Variants in HSP90B1 observed in about 807,000 individuals in gnomAD.
The protein encoded by HSP90B1 is endoplasmin.
A neutral mutation model predicts 100.4 loss-of-function variants in HSP90B1; 27 were observed. The observed-to-expected ratio is 0.27, with a 90% confidence interval of 0.20 to 0.37. The LOEUF is 0.37. HSP90B1 is among the 10% of genes least tolerant of loss of function. The pLI, the probability that HSP90B1 is intolerant of heterozygous loss-of-function variation, is 1.00. For synonymous variants in HSP90B1, 304 were observed against 330.8 expected (o/e 0.92, Z 0.88); for missense variants, 678 against 960.5 (o/e 0.71, Z 3.89).
In HSP90B1 at chr12:103,943,424, A is replaced by G. The variant is rs114618953; in HGVS notation, c.1890+105A>G. Reference sequence around the variant, plus strand: ...AGCTGGTTACTTTGTAACCATTAGAATGGTAAAAATTTAATTAATGTAATT... The same window carrying G: ...AGCTGGTTACTTTGTAACCATTAGAGTGGTAAAAATTTAATTAATGTAATT... On this transcript the variant is annotated intron_variant, in intron 13 of 17. Transcript: ENST00000299767. The surrounding 1 kb of genome is among the most constrained non-coding windows in gnomAD (Gnocchi z 5.3). 6.8e-5 allele frequency: 73 copies of G among 1,065,752 alleles called. No homozygotes were observed. In the African/African-American group the frequency reaches 1.0e-3, roughly 15 times the overall value. 66.0% of individuals were successfully genotyped at this position (1,065,752 alleles called of 1,614,324 possible). A position where few individuals can be genotyped will look rare whatever the true frequency, so the allele number is the denominator to read the frequency against.
At chr12:103,938,079 G>GAGAAT (rs1869967001) in intron 6 of HSP90B1, among the ~76,000 whole-genome samples, 1 of 151,524 alleles carries the variant, frequency 6.6e-6, no homozygotes, top group Non-Finnish European at 1.5e-5. Flanking sequence ...GCTGAAGCAG[G>GAGAAT]AGAATTGCTT....
chr12:103,944,749 T>C (rs1181816033), intron 14 of HSP90B1, among the ~76,000 whole-genome samples: 11 of 152,170 alleles, frequency 7.2e-5, no homozygotes. Flanking sequence ...AGAGACGGTG[T>C]TTCACCATGT....
chr12:103,938,212 G>T, intron 6 of HSP90B1, 128 bp from the exon 7 acceptor site: 1 of 717,010 alleles, frequency 1.4e-6, no homozygotes, highest in Non-Finnish European at 2.2e-6. Flanking sequence ...TGGTCTATTA[G>T]TTAAGGATAC....
rs1182025242 is a variant in HSP90B1, at chr12:103,930,633, C to T, written c.49+69C>T. On this transcript the variant is annotated intron_variant, in intron 1 of 17. Transcript: ENST00000299767. The surrounding 1 kb of genome is among the most constrained non-coding windows in gnomAD (Gnocchi z 4.4). ...GGCCGCTTCTCGAAGGTCCTGGGGG[C>T]GTTGAACGTGGGAGGGGGGATCCCG... 57 of 1,490,370 alleles carry T rather than the reference C, an allele frequency of 3.8e-5. No individual in the cohort carries two copies. The Admixed American group carries it at 4.1e-4, about 11-fold the overall frequency. The allele number at this position is 1,490,370 out of a possible 1,614,324, so 92.3% of individuals were successfully genotyped here. A position where few individuals can be genotyped will look rare whatever the true frequency, so the allele number is the denominator to read the frequency against.
chr12:103,947,523 C>T (rs1178332823), intron 17 of HSP90B1, 93 bp downstream of exon 17: 2 of 1,601,600 alleles, frequency 1.2e-6, no homozygotes, highest in Non-Finnish European at 1.7e-6. Flanking sequence ...GTGTAACTTA[C>T]AGAAGTCAGA....
At position 103,937,769 on chromosome 12, in the gene HSP90B1, A is replaced by T. The variant is rs1311612957; in HGVS notation, c.818A>T (p.Gln273Leu). The T allele has an allele frequency of 4.4e-6, 7 of 1,580,132 alleles. 1 individual carries two copies. The South Asian group carries it at 7.8e-5, about 18-fold the overall frequency. The change falls in exon 6 of 18, where the codon CAG becomes CTG. Residue 273 changes from glutamine (Q) to leucine (L), a missense_variant. Coordinates refer to ENST00000299767, the MANE Select transcript of HSP90B1 (RefSeq NM_003299.3). ...TIKNLVKKYS[Q>L]FINFPIYVWS... Reference sequence around the variant, plus strand: ...AAAAATCTCGTCAAAAAATATTCACAGTTCATAAACTTTCCTATTTATGTA... The same window carrying T: ...AAAAATCTCGTCAAAAAATATTCACTGTTCATAAACTTTCCTATTTATGTA...
chr12:103,947,356 A>G lies in HSP90B1; in HGVS notation c.2308A>G (p.Thr770Ala). Reference protein sequence around the residue: ...EEEPEETAEDTTEDTEQDEDE... With the variant: ...EEEPEETAEDATEDTEQDEDE... ...AGAACCTGAAGAGACAGCAGAAGAC[A>G]CAACAGAAGACACAGAGCAAGACGA... The change falls in exon 17 of 18, where the codon ACA (threonine) becomes GCA (alanine). Residue 770 changes from threonine to alanine, a missense_variant. Thr to Ala is a moderately conservative substitution (Grantham distance 58). Coordinates refer to ENST00000299767, the MANE Select transcript of HSP90B1 (RefSeq NM_003299.3). 4 of 1,606,614 alleles carry G rather than the reference A, an allele frequency of 2.5e-6. No homozygotes were observed. The highest frequency in any genetic ancestry group is 3.4e-5 in the Admixed American group (2 of 59,622).
In HSP90B1 at chr12:103,943,377, T is replaced by C. The variant is rs2136216829; in HGVS notation, c.1890+58T>C. ...AGTATCAGCATTTAAGAGAAAGTTATTTTGTGAACAAATTAAGCTGCAGCT... is the reference window on the plus strand; with the variant it reads ...AGTATCAGCATTTAAGAGAAAGTTACTTTGTGAACAAATTAAGCTGCAGCT... On this transcript the variant is annotated intron_variant, in intron 13 of 17. Transcript: ENST00000299767. This position sits in a 1 kb window ranked among gnomAD's most constrained non-coding sequence, Gnocchi z 5.3. 6.6e-7 allele frequency: 1 copy of C among 1,520,128 alleles called. No homozygotes were observed. Among genetic ancestry groups the C allele is most frequent in the East Asian group, 2.3e-5 (1 of 44,290 alleles). The allele number at this position is 1,520,128 out of a possible 1,614,324, so 94.2% of individuals were successfully genotyped here.
At chr12:103,942,185 C>T (rs1870099333) in intron 11 of HSP90B1, among the ~76,000 whole-genome samples, 1 of 152,158 alleles carries the variant, frequency 6.6e-6, no homozygotes, top group African/African-American at 2.4e-5. Flanking sequence ...TTCATTAAAC[C>T]TTTCCCCTCC....
intron 3 of HSP90B1, 96 bp from the exon 4 acceptor site, chr12:103,932,730 A>C (rs1433148224): frequency 1.4e-6 from 1 of 736,400 alleles, no homozygotes; most frequent in Non-Finnish European, 2.4e-6. Flanking sequence ...TGCTTTTATA[A>C]GGTACAGAGA....
chr12:103,944,191 A>G (rs765748569), intron 14 of HSP90B1, among the ~76,000 whole-genome samples: 1 of 152,186 alleles, frequency 6.6e-6, no homozygotes, highest in Non-Finnish European at 1.5e-5. Flanking sequence ...ACATTTTTAA[A>G]TGTAATAGCT....
At position 103,942,425 on chromosome 12, in the gene HSP90B1, A is replaced by ACGATAT. The variant is rs911523328; in HGVS notation, c.1375-99_1375-94dup. The ACGATAT allele has an allele frequency of 9.6e-6, 10 of 1,042,950 alleles. No individual in the cohort carries two copies. In the African/African-American group the frequency reaches 9.6e-5, roughly 10 times the overall value. The allele number at this position is 1,042,950 out of a possible 1,614,324, so 64.6% of individuals were successfully genotyped here. A position where few individuals can be genotyped will look rare whatever the true frequency, so the allele number is the denominator to read the frequency against. On this transcript the variant is annotated intron_variant, in intron 11 of 17. Coordinates refer to ENST00000299767, the MANE Select transcript of HSP90B1 (RefSeq NM_003299.3). ...TCCTGCCCCTCAATAAATGGCAATA[A>ACGATAT]CGATATCGTCTTTGTGTTTTTCACA...
At position 103,946,593 on chromosome 12, in the gene HSP90B1, AATGTTC is replaced by A; in HGVS notation, c.2028-22_2028-17del. On this transcript the variant is annotated intron_variant, in intron 14 of 17. Transcript: ENST00000299767. ...ACCCTAAAATTGGATATGTTTTGTT[AATGTTC>A]ATTTTTATCTCTTAACAGTTACTAT... The A allele has an allele frequency of 6.5e-7, 1 of 1,535,038 alleles. No homozygotes were observed.
intron 14 of HSP90B1, among the ~76,000 whole-genome samples, chr12:103,946,197 C>G (rs963692335): frequency 6.6e-6 from 1 of 151,552 alleles, no homozygotes; most frequent in Non-Finnish European, 1.5e-5. Flanking sequence ...ATTTTCAATC[C>G]GAGGTTGATT....
chr12:103,942,730 G>C lies in HSP90B1; in HGVS notation c.1578G>C (p.Gln526His), dbSNP rs372371380. The change falls in exon 12 of 18, where the codon CAG becomes CAC. Residue 526 changes from glutamine to histidine, a missense_variant. Coordinates refer to ENST00000299767, the MANE Select transcript of HSP90B1 (RefSeq NM_003299.3). ...HHPTDITSLDQYVERMKEKQD... is the reference protein window; with the variant it reads ...HHPTDITSLDHYVERMKEKQD... ...CAACTGACATTACTAGCCTAGACCA[G>C]TATGTGGAAAGAATGAAGGAAAAAC... 6.2e-7 allele frequency: 1 copy of C among 1,613,744 alleles called. No individual in the cohort carries two copies. Among genetic ancestry groups the C allele is most frequent in the Non-Finnish European group, 8.5e-7 (1 of 1,179,814 alleles).
chr12:103,942,770 T>G lies in HSP90B1; in HGVS notation c.1618T>G (p.Phe540Val). The change falls in exon 12 of 18, where the codon TTC (phenylalanine) becomes GTC (valine). Residue 540 changes from phenylalanine (F) to valine (V), a missense_variant. Physicochemically the swap from Phe to Val is conservative, Grantham distance 50. Transcript: ENST00000299767. The part of the protein sequence containing the change: ...RMKEKQDKIY[F>V]MAGSSRKEAE... ...GAAGGAAAAACAAGACAAAATCTAC[T>G]TCATGGCTGGGTCCAGCAGAAAAGA... is the stretch of plus-strand genomic sequence containing the variant. 4 of 1,613,876 alleles carry G rather than the reference T, an allele frequency of 2.5e-6. No individual in the cohort carries two copies. The highest frequency in any genetic ancestry group is 3.4e-6 in the Non-Finnish European group (4 of 1,179,808).
At position 103,943,035 on chromosome 12, in the gene HSP90B1, G is replaced by A. The variant is rs750104025; in HGVS notation, c.1645-39G>A. On this transcript the variant is annotated intron_variant, in intron 12 of 17. Coordinates refer to ENST00000299767, the MANE Select transcript of HSP90B1 (RefSeq NM_003299.3). This position sits in a 1 kb window ranked among gnomAD's most constrained non-coding sequence, Gnocchi z 5.3. Reference sequence around the variant, plus strand: ...TGCTAGGATAAACAAATACACCAGGGCCAGACTTGGAAAACTTTGTGACTT... The same window carrying A: ...TGCTAGGATAAACAAATACACCAGGACCAGACTTGGAAAACTTTGTGACTT... 6.2e-7 allele frequency: 1 copy of A among 1,609,270 alleles called. No homozygotes were observed. The highest frequency in any genetic ancestry group is 1.1e-5 in the South Asian group (1 of 90,262).
At chr12:103,940,495 ATAT>A (rs1288034322) in intron 8 of HSP90B1, among the ~76,000 whole-genome samples, 1 of 152,214 alleles carries the variant, frequency 6.6e-6, no homozygotes, top group Non-Finnish European at 1.5e-5. Context: ...ATAAAACTTA[ATAT>A]TCTGTGTCTG....
Position 103,938,507 on chromosome 12 carries a change from G to A in HSP90B1, c.975+48G>A, listed in dbSNP as rs545751070. ...CATAAGATATTGTTTAACATGTATA[G>A]GCAAAACCAGGAAAACCTAAGTATG... On this transcript the variant is annotated intron_variant, in intron 7 of 17. Coordinates refer to ENST00000299767, the MANE Select transcript of HSP90B1 (RefSeq NM_003299.3). The A allele has an allele frequency of 5.7e-6, 9 of 1,570,486 alleles. No homozygotes were observed. The East Asian group carries it at 2.0e-4, about 36-fold the overall frequency.
Sources: gnomAD v4.1 joint callset for allele counts (sites outside exome capture counted in the v4.1 genomes callset) on GRCh38, gnomAD v4.1.1 for gene constraint, Gnocchi (gnomAD v3.1) non-coding constraint, MANE v1.5 for transcripts, NCBI Gene and HGNC (gene_info 2026-07-23, HGNC 2026-07-21) for gene names.